ZNF705A: variants seen among roughly 807,000 people sequenced by gnomAD.
The protein encoded by ZNF705A is zinc finger protein 705A.
ZNF705A carries 8 observed loss-of-function variants against 16.6 expected under a neutral mutation model. That is an observed-to-expected ratio of 0.48 (90% CI 0.28 to 0.87). The LOEUF (loss-of-function observed/expected upper bound fraction) is 0.87. Among genes scored for constraint, ZNF705A ranks in the 40% least tolerant of loss-of-function variants. The pLI is 0.10. For synonymous variants in ZNF705A, 73 were observed against 117.3 expected (o/e 0.62, Z 2.44); for missense variants, 233 against 359.9 (o/e 0.65, Z 2.85).
chr12:8,163,893 A>C (rs1948377778), intron 1 of ZNF705A, among the ~76,000 whole-genome samples: 1 of 152,178 alleles, frequency 6.6e-6, no homozygotes, highest in Non-Finnish European at 1.5e-5. Context: ...TTTTTTAACC[A>C]ACCCCCTTCT....
chr12:8,157,664 A>G (rs1411622737), intron 1 of ZNF705A, among the ~76,000 whole-genome samples: 5 of 152,190 alleles, frequency 3.3e-5, no homozygotes, highest in Non-Finnish European at 7.4e-5. Flanking sequence ...GGTTTCTATC[A>G]TGCTCATTGC....
chr12:8,158,826 AT>A (rs1388098682), intron 1 of ZNF705A, among the ~76,000 whole-genome samples: 3 of 151,902 alleles, frequency 2.0e-5, no homozygotes, highest in Non-Finnish European at 2.9e-5. Context: ...ATTTTTTAAA[AT>A]TTTCCATAGG....
exon 5 of ZNF705A, chr12:8,179,320 A>G (rs1030700861): frequency 4.6e-5 from 7 of 152,184 alleles, no homozygotes; most frequent in Non-Finnish European, 7.3e-5. Flanking sequence ...CAGCATGATA[A>G]AACAGCCGAA....
At chr12:8,161,433 T>C (rs780410740) in intron 1 of ZNF705A, among the ~76,000 whole-genome samples, 1 of 152,094 alleles carries the variant, frequency 6.6e-6, no homozygotes, top group Non-Finnish European at 1.5e-5. Flanking sequence ...CATCTGGACT[T>C]TTTTTTGTTG....
chr12:8,165,336 G>C (rs1278536187), intron 1 of ZNF705A, among the ~76,000 whole-genome samples: 11 of 141,678 alleles, frequency 7.8e-5, no homozygotes, highest in Non-Finnish European at 1.4e-4. Flanking sequence ...AGGCTGGAGT[G>C]CAGTGGCGTG....
chr12:8,176,956 T>C (rs1453971135), intron 4 of ZNF705A, 43 bp from the exon 6 acceptor site: 5 of 1,575,798 alleles, frequency 3.2e-6, no homozygotes, highest in Non-Finnish European at 4.4e-6. Flanking sequence ...TGTATAGATA[T>C]ATGTGGGTAA....
chr12:8,172,721 T>C (rs1948454938), intron 1 of ZNF705A, 84 bp downstream of exon 2: 1 of 1,555,636 alleles, frequency 6.4e-7, no homozygotes, highest in South Asian at 1.1e-5. Context: ...CATGGGTGTT[T>C]CATTTTTATT....
chr12:8,163,902 C>G (rs1948377881), intron 1 of ZNF705A, among the ~76,000 whole-genome samples: 1 of 152,116 alleles, frequency 6.6e-6, no homozygotes, highest in African/African-American at 2.4e-5. Context: ...CAACCCCCTT[C>G]TTGTTTTTTT....
At chr12:8,172,186 T>C (rs1948451309), upstream of ZNF705A, among the ~76,000 whole-genome samples, 1 of 151,686 alleles carries the variant, frequency 6.6e-6, no homozygotes, top group African/African-American at 2.4e-5. Context: ...GATAATAAAA[T>C]CTGAGAAATC....
rs748895571 is a variant in ZNF705A, at chr12:8,177,545, T to C, written c.865T>C (p.Cys289Arg). The C allele has an allele frequency of 1.9e-5, 31 of 1,612,316 alleles. No homozygotes were observed. The highest frequency in any genetic ancestry group is 2.5e-6 in the Non-Finnish European group (3 of 1,179,896). The change falls in exon 5 of 5, where the codon TGT becomes CGT. Residue 289 changes from cysteine to arginine, a missense_variant. Cys to Arg is a radical substitution (Grantham distance 180). This residue lies in a region of ZNF705A where 220 missense variants were observed against 271.4 expected (regional missense o/e 0.81). Coordinates refer to ENST00000359286, the Ensembl canonical transcript of ZNF705A. The stretch of plus-strand genomic sequence containing the variant: ...AGAGAAACCACATGCTTGTCTTCTA[T>C]GTGGGAAGGCCTTCAGTCTGTCTTC...
At chr12:8,168,455 C>A (rs1591623539), upstream of ZNF705A, among the ~76,000 whole-genome samples, 1 of 152,180 alleles carries the variant, frequency 6.6e-6, no homozygotes, top group Non-Finnish European at 1.5e-5. Context: ...ACTTGACATT[C>A]TCATATTCTG....
At chr12:8,176,734 C>T (rs986840035) in intron 4 of ZNF705A, among the ~76,000 whole-genome samples, 31 of 152,048 alleles carry the variant, frequency 2.0e-4, no homozygotes, top group South Asian at 6.2e-4. Flanking sequence ...ATGGGGGAGG[C>T]GTGTAGCTTT....
upstream of ZNF705A, among the ~76,000 whole-genome samples, chr12:8,169,447 AT>A (rs1948426966): frequency 6.6e-6 from 1 of 152,204 alleles, no homozygotes; most frequent in African/African-American, 2.4e-5. Context: ...TCTGATATAT[AT>A]TCGTTTTGGT....
intron 1 of ZNF705A, among the ~76,000 whole-genome samples, chr12:8,165,753 A>G (rs372309724): frequency 3.8e-4 from 58 of 151,996 alleles, no homozygotes; most frequent in African/African-American, 1.3e-3. Flanking sequence ...CTTTGTTCTC[A>G]CTTATAATTA....
chr12:8,167,565 G>T (rs1156942913), upstream of ZNF705A, among the ~76,000 whole-genome samples: 1 of 152,132 alleles, frequency 6.6e-6, no homozygotes, highest in East Asian at 1.9e-4. Context: ...AGAGAGTCTT[G>T]CTGCTTGCTT....
chr12:8,171,796 G>T (rs559890156), upstream of ZNF705A, among the ~76,000 whole-genome samples: 1 of 152,136 alleles, frequency 6.6e-6, no homozygotes, highest in African/African-American at 2.4e-5. Context: ...GAGTGCAGTG[G>T]TGGGATCTCG....
chr12:8,165,687 CT>C (rs747278134), intron 1 of ZNF705A, among the ~76,000 whole-genome samples: 78 of 152,070 alleles, frequency 5.1e-4, no homozygotes, highest in Non-Finnish European at 9.3e-4. Flanking sequence ...TCCCTTCCCC[CT>C]CTAGTAGTCC....
chr12:8,162,115 A>G (rs772327462), intron 1 of ZNF705A, among the ~76,000 whole-genome samples: 1 of 152,322 alleles, frequency 6.6e-6, no homozygotes, highest in South Asian at 2.1e-4. Flanking sequence ...AAAAGAACCT[A>G]TGCCCCCAGA....
intron 1 of ZNF705A, among the ~76,000 whole-genome samples, chr12:8,157,832 T>C (rs945020456): frequency 1.3e-5 from 2 of 152,146 alleles, no homozygotes; most frequent in Admixed American, 6.5e-5. Context: ...AGAGTTTTCT[T>C]GAGCCAAAGT....
Sources: gnomAD v4.1 joint callset for allele counts (sites outside exome capture counted in the v4.1 genomes callset) on GRCh38, gnomAD v4.1.1 for gene constraint, gnomAD v4.1.1 regional missense constraint, MANE v1.5 for transcripts, NCBI Gene and HGNC (gene_info 2026-07-23, HGNC 2026-07-21) for gene names.